NAALAD2: variants seen among roughly 807,000 people sequenced by gnomAD.
NAALAD2 encodes the protein N-acetylated alpha-linked acidic dipeptidase 2.
In NAALAD2, 89 loss-of-function variants were observed where a neutral mutation model predicts 95.6. The ratio of observed to expected loss-of-function variants is 0.93; its 90% CI spans 0.78 to 1.11. The LOEUF (loss-of-function observed/expected upper bound fraction) is 1.11, where lower values mean the gene tolerates loss of function less well. Among genes scored for constraint, NAALAD2 ranks in the 50% least tolerant of loss-of-function variants. The pLI is 0.00. For missense variants in NAALAD2, 894 were observed against 872.4 expected, an observed-to-expected ratio of 1.02 and a Z score of -0.31; for synonymous variants, 264 against 294.4, an observed-to-expected ratio of 0.90 and a Z score of 1.06.
At chr11:90,160,045 T>A (rs1363660602) in intron 8 of NAALAD2, among the ~76,000 whole-genome samples, 1 of 132,866 alleles carries the variant, frequency 7.5e-6, no homozygotes, top group Non-Finnish European at 1.6e-5. Flanking sequence ...TCACTTACTG[T>A]GTGGGTTAAA....
chr11:90,148,742 A>G (rs1317838976), intron 3 of NAALAD2, among the ~76,000 whole-genome samples: 3 of 152,188 alleles, frequency 2.0e-5, no homozygotes, highest in South Asian at 4.1e-4. Context: ...GAGGATCACC[A>G]AAGTGCCACC....
chr11:90,134,691 C>T lies in NAALAD2; in HGVS notation c.-68C>T, dbSNP rs1951409776. ...GCTCACAGCCTCCTGCCAGCGCGCT[C>T]TCTGTTTCTCTGCAGCCCCGAAGCT... On this transcript the variant is annotated 5_prime_UTR_variant, in exon 1 of 19. Transcript: ENST00000534061. 7 of 1,519,956 alleles carry T rather than the reference C, an allele frequency of 4.6e-6. No individual in the cohort carries two copies. In the South Asian group the frequency reaches 6.7e-5, roughly 15 times the overall value. 94.2% of individuals were successfully genotyped at this position (1,519,956 alleles called of 1,614,324 possible).
At chr11:90,148,738 C>T (rs16924594) in intron 3 of NAALAD2, among the ~76,000 whole-genome samples, 6,637 of 152,082 alleles carry the variant, frequency 0.044, 179 homozygotes, top group Middle Eastern at 0.11. Context: ...AAAAGAGGAT[C>T]ACCAAAGTGC....
chr11:90,142,319 T>C (rs1951640424), intron 2 of NAALAD2, among the ~76,000 whole-genome samples: 1 of 152,180 alleles, frequency 6.6e-6, no homozygotes, highest in Non-Finnish European at 1.5e-5. Flanking sequence ...TTTTACTCTA[T>C]GTATTCTGAG....
chr11:90,152,360 C>T lies in NAALAD2; in HGVS notation c.672C>T (p.Tyr224=). ...GIILYSDPAD[Y]FAPEVQPYPK... is the part of the protein sequence containing the mutation. ...TCTTGTACTCAGATCCAGCTGACTACTTTGCTCCTGAGGTACAGCCATATC... is the reference window on the plus strand; with the variant it reads ...TCTTGTACTCAGATCCAGCTGACTATTTTGCTCCTGAGGTACAGCCATATC... Residue 224 remains tyrosine, a synonymous_variant, in exon 6 of 19, where the codon TAC becomes TAT. Coordinates refer to ENST00000534061, the MANE Select transcript of NAALAD2 (RefSeq NM_005467.4). 1.2e-6 allele frequency: 2 copies of T among 1,613,720 alleles called. No homozygotes were observed. Among genetic ancestry groups the T allele is most frequent in the South Asian group, 1.1e-5 (1 of 91,026 alleles).
intron 11 of NAALAD2, among the ~76,000 whole-genome samples, chr11:90,166,220 G>C (rs567975461): frequency 1.3e-5 from 2 of 151,934 alleles, no homozygotes; most frequent in Non-Finnish European, 2.9e-5. Flanking sequence ...TAGAGAGAGC[G>C]GTGAAGGGCT....
chr11:90,185,160 C>A (rs1857097511), intron 18 of NAALAD2, among the ~76,000 whole-genome samples: 1 of 151,390 alleles, frequency 6.6e-6, no homozygotes, highest in South Asian at 2.1e-4. Context: ...TTTATATATA[C>A]ATATATTACA....
rs143530630 is a variant in NAALAD2, at chr11:90,191,622, G to A, written c.2098G>A (p.Asp700Asn). Residue 700 changes from aspartate (D) to asparagine (N), a missense_variant, in exon 19 of 19, where the codon GAT becomes AAT. Coordinates refer to ENST00000534061, the MANE Select transcript of NAALAD2 (RefSeq NM_005467.4). ...TGGAGAATCATTTCCTGGAATCTATGATGCTATCTTTGATATTGAAAATAA... is the reference window on the plus strand; with the variant it reads ...TGGAGAATCATTTCCTGGAATCTATAATGCTATCTTTGATATTGAAAATAA... ...YAGESFPGIY[D>N]AIFDIENKAN... 30 of 1,605,816 alleles carry A rather than the reference G, an allele frequency of 1.9e-5. No homozygotes were observed. The Middle Eastern group carries it at 8.2e-4, about 44-fold the overall frequency.
chr11:90,171,378 A>G (rs1008829144), intron 13 of NAALAD2, among the ~76,000 whole-genome samples: 7 of 152,126 alleles, frequency 4.6e-5, no homozygotes, highest in Non-Finnish European at 8.8e-5. Context: ...CCTCATCACA[A>G]TGCTCTCACC....
intron 2 of NAALAD2, among the ~76,000 whole-genome samples, chr11:90,143,188 T>C (rs11018875): frequency 0.14 from 20,953 of 152,106 alleles, 2,068 homozygotes; most frequent in Admixed American, 0.31. Flanking sequence ...TGCTTTTCAT[T>C]TGTTTCTGAA....
intron 14 of NAALAD2, among the ~76,000 whole-genome samples, chr11:90,174,193 T>C (rs1952721168): frequency 6.6e-6 from 1 of 152,072 alleles, no homozygotes. Flanking sequence ...TAGCCGGTCA[T>C]GGTAGCGGGC....
At chr11:90,167,461 G>C (rs118046090) in intron 11 of NAALAD2, among the ~76,000 whole-genome samples, 5,822 of 152,276 alleles carry the variant, frequency 0.038, 157 homozygotes, top group Non-Finnish European at 0.057. Flanking sequence ...GGAGCCTCCC[G>C]ACGAGCACCG....
chr11:90,171,979 T>C (rs1952652766), intron 13 of NAALAD2, among the ~76,000 whole-genome samples: 1 of 148,716 alleles, frequency 6.7e-6, no homozygotes, highest in South Asian at 2.2e-4. Context: ...ATAGAAATCC[T>C]GACAAAAAAA....
intron 14 of NAALAD2, 151 bp from the exon 15 acceptor site, chr11:90,175,821 G>T: frequency 2.3e-6 from 1 of 429,400 alleles, no homozygotes; most frequent in Non-Finnish European, 4.1e-6. Context: ...TGTCTTGATG[G>T]TGGTTGACCT....
At chr11:90,173,402 C>A (rs912113413) in intron 13 of NAALAD2, among the ~76,000 whole-genome samples, 1 of 152,142 alleles carries the variant, frequency 6.6e-6, no homozygotes, top group African/African-American at 2.4e-5. Flanking sequence ...TGTTCTGAGA[C>A]CTCTTTATAG....
intron 13 of NAALAD2, among the ~76,000 whole-genome samples, chr11:90,173,055 A>G (rs564123446): frequency 2.0e-5 from 3 of 152,338 alleles, no homozygotes; most frequent in South Asian, 2.1e-4. Context: ...TAGATTTAAA[A>G]TAGACCAATT....
intron 13 of NAALAD2, among the ~76,000 whole-genome samples, chr11:90,173,110 C>T (rs1021786991): frequency 2.0e-5 from 3 of 152,022 alleles, no homozygotes. Flanking sequence ...CTCTGCTCTT[C>T]TTAGAGTGTC....
chr11:90,148,075 G>A (rs1338894895), intron 3 of NAALAD2, among the ~76,000 whole-genome samples: 1 of 152,158 alleles, frequency 6.6e-6, no homozygotes, highest in African/African-American at 2.4e-5. Flanking sequence ...CGTGTATGCT[G>A]TCCTAGGGAG....
chr11:90,174,269 T>A (rs1227158459), intron 14 of NAALAD2, among the ~76,000 whole-genome samples: 1 of 151,332 alleles, frequency 6.6e-6, no homozygotes, highest in Non-Finnish European at 1.5e-5. Context: ...AGGCAGAGGT[T>A]GCAGTGAGCC....
Sources: allele counts gnomAD v4.1 joint callset (sites outside exome capture counted in the v4.1 genomes callset), GRCh38; gene constraint gnomAD v4.1.1; transcripts MANE v1.5; gene names NCBI Gene and HGNC (gene_info 2026-07-23, HGNC 2026-07-21).